Variants in TTC8 observed in about 807,000 individuals in gnomAD.
TTC8 encodes tetratricopeptide repeat protein 8.
Under a neutral mutation model 72.5 loss-of-function variants are expected in TTC8, and 47 were observed. The observed-to-expected ratio is 0.65, with a 90% CI of 0.51 to 0.83. The LOEUF (loss-of-function observed/expected upper bound fraction) is 0.83. Ranked by LOEUF, TTC8 falls within the 40% of genes least tolerant of loss-of-function variation. The probability of loss-of-function intolerance (pLI) is 0.00; values close to 1 mark genes in which losing one functional copy is unlikely to be tolerated. For missense variants in TTC8, 611 were observed against 623.2 expected, an observed-to-expected ratio of 0.98 and a Z score of 0.21; for synonymous variants, 199 against 221.4, an observed-to-expected ratio of 0.90 and a Z score of 0.90.
intron 9 of TTC8, among the ~76,000 whole-genome samples, chr14:88,858,569 T>C (rs2094867975): frequency 6.6e-6 from 1 of 152,028 alleles, no homozygotes; most frequent in African/African-American, 2.4e-5. Flanking sequence ...TAACTTTATC[T>C]TCTATATGTG....
intron 7 of TTC8, among the ~76,000 whole-genome samples, chr14:88,851,292 A>AT (rs1269440960): frequency 6.6e-6 from 1 of 152,158 alleles, no homozygotes; most frequent in African/African-American, 2.4e-5. Flanking sequence ...TCTTTTTGCC[A>AT]TTTTTATTCT....
intron 2 of TTC8, 88 bp downstream of exon 2, chr14:88,833,810 C>T: frequency 8.3e-7 from 1 of 1,200,870 alleles, no homozygotes; most frequent in South Asian, 1.2e-5. Context: ...AAATTTGCTG[C>T]ATATCTTCCT....
chr14:88,872,527 A>G, intron 13 of TTC8, 75 bp downstream of exon 13: 2 of 1,594,476 alleles, frequency 1.3e-6, no homozygotes, highest in Non-Finnish European at 8.6e-7. Flanking sequence ...GTAGCATTAC[A>G]GCGTATGTTA....
At chr14:88,830,019 G>A (rs976973812) in intron 1 of TTC8, among the ~76,000 whole-genome samples, 4 of 152,150 alleles carry the variant, frequency 2.6e-5, no homozygotes, top group Non-Finnish European at 4.4e-5. Flanking sequence ...ACTTGGCTGC[G>A]TGGTCACTAG....
At chr14:88,869,887 A>G (rs2094926503) in intron 10 of TTC8, among the ~76,000 whole-genome samples, 172 bp from the exon 11 acceptor site, 1 of 152,196 alleles carries the variant, frequency 6.6e-6, no homozygotes, top group African/African-American at 2.4e-5. Flanking sequence ...CCCTGAGGAC[A>G]GTGACTTTCT....
rs373971173 is a variant in TTC8, at chr14:88,877,278, C to T, written c.1432-16C>T. On this transcript the variant is annotated splice_polypyrimidine_tract_variant and intron_variant, in intron 14 of 14. Transcript: ENST00000380656. Reference sequence around the variant, plus strand: ...TCTGATCTCATTCCATGGTCTTATTCTTGTATTTTTTGCAGATTGGAGATC... The same window carrying T: ...TCTGATCTCATTCCATGGTCTTATTTTTGTATTTTTTGCAGATTGGAGATC... 16 of 1,600,280 alleles carry T rather than the reference C, an allele frequency of 1.0e-5. No homozygotes were observed. The African/African-American group carries it at 2.0e-4, about 20-fold the overall frequency.
intron 1 of TTC8, among the ~76,000 whole-genome samples, chr14:88,825,436 A>G (rs2094694975): frequency 6.6e-6 from 1 of 152,208 alleles, no homozygotes; most frequent in Non-Finnish European, 1.5e-5. Flanking sequence ...GGAGGGAGAA[A>G]TGGGAAAGAA....
At position 88,830,442 on chromosome 14, in the gene TTC8, G is replaced by A. The variant is rs748142103; in HGVS notation, c.115-3251G>A. Among the ~76,000 whole-genome samples the A allele has an allele frequency of 3.3e-5, 5 of 152,172 alleles. No individual in the cohort carries two copies. In the South Asian group the frequency reaches 6.2e-4, roughly 19 times the overall value. On this transcript the variant is annotated intron_variant, in intron 1 of 14. Transcript: ENST00000380656. ...GAAAGGGGGAGTAATAGATGGTTTG[G>A]TGCTTCTGTTAAGCTTATACTTGAA...
chr14:88,843,334 G>C (rs1372061858), intron 6 of TTC8, among the ~76,000 whole-genome samples: 1 of 152,092 alleles, frequency 6.6e-6, no homozygotes, highest in Non-Finnish European at 1.5e-5. Flanking sequence ...TGAATATTCT[G>C]AATCATAGAG....
chr14:88,824,553 T>G, upstream of TTC8: 21 of 606,614 alleles, frequency 3.5e-5, no homozygotes, highest in East Asian at 5.6e-5. Flanking sequence ...TTGCGGTTGT[T>G]TTTCTTTTTC....
intron 10 of TTC8, among the ~76,000 whole-genome samples, chr14:88,863,982 T>C (rs2094899172): frequency 6.6e-6 from 1 of 152,188 alleles, no homozygotes; most frequent in African/African-American, 2.4e-5. Context: ...GTCTTACTGC[T>C]TAGGGCTTCC....
intron 7 of TTC8, among the ~76,000 whole-genome samples, chr14:88,848,914 T>C (rs2094820863): frequency 1.3e-5 from 2 of 152,174 alleles, no homozygotes; most frequent in South Asian, 4.1e-4. Context: ...AATAATGTTA[T>C]AGTAAAATGA....
Position 88,839,580 on chromosome 14 carries a change from T to C in TTC8, c.265+8T>C, listed in dbSNP as rs182898340. 20 of 1,612,748 alleles carry C rather than the reference T, an allele frequency of 1.2e-5. No individual in the cohort carries two copies. Among genetic ancestry groups the C allele is most frequent in the Non-Finnish European group, 1.7e-5 (20 of 1,179,218 alleles). On this transcript the variant is annotated splice_region_variant and intron_variant, in intron 3 of 14. Coordinates refer to ENST00000380656, the MANE Select transcript of TTC8 (RefSeq NM_144596.4). Reference sequence around the variant, plus strand: ...CTATAGCTCAAGTTCCACGTAAGTATTGGGTTTTCAGTTAAGTTAATGAAA... The same window carrying C: ...CTATAGCTCAAGTTCCACGTAAGTACTGGGTTTTCAGTTAAGTTAATGAAA...
intron 2 of TTC8, among the ~76,000 whole-genome samples, chr14:88,834,956 A>G (rs1463956303): frequency 6.6e-6 from 1 of 152,222 alleles, no homozygotes; most frequent in Non-Finnish European, 1.5e-5. Context: ...GGATAATGAT[A>G]CAAAAGGGAA....
chr14:88,837,513 G>A (rs1337587751), intron 2 of TTC8, among the ~76,000 whole-genome samples: 2 of 152,146 alleles, frequency 1.3e-5, no homozygotes, highest in Non-Finnish European at 2.9e-5. Flanking sequence ...TGCAGTAGGT[G>A]CCCCCTGGTA....
intron 7 of TTC8, among the ~76,000 whole-genome samples, chr14:88,845,374 G>A (rs915793003): frequency 3.3e-5 from 5 of 152,168 alleles, no homozygotes; most frequent in Non-Finnish European, 7.4e-5. Context: ...ACTTGAAGGC[G>A]TTTTGAGCTT....
chr14:88,828,385 A>G (rs542156042), intron 1 of TTC8, among the ~76,000 whole-genome samples: 1 of 152,306 alleles, frequency 6.6e-6, no homozygotes, highest in South Asian at 2.1e-4. Context: ...CTCCGCAGTT[A>G]GCTGGTTCAC....
intron 1 of TTC8, among the ~76,000 whole-genome samples, 170 bp downstream of exon 1, chr14:88,824,991 C>T (rs184014291): frequency 1.3e-5 from 2 of 152,164 alleles, no homozygotes; most frequent in Non-Finnish European, 2.9e-5. Context: ...ACTAGCGGGT[C>T]CGCTGTCCGC....
intron 9 of TTC8, among the ~76,000 whole-genome samples, chr14:88,860,850 A>G (rs908773040): frequency 4.7e-5 from 7 of 150,182 alleles, no homozygotes; most frequent in Admixed American, 3.3e-4. Flanking sequence ...TCTGTTGCCC[A>G]GGCTGGAGTG....
Sources: allele counts gnomAD v4.1 joint callset (sites outside exome capture counted in the v4.1 genomes callset), GRCh38; gene constraint gnomAD v4.1.1; transcripts MANE v1.5; gene names NCBI Gene and HGNC (gene_info 2026-07-23, HGNC 2026-07-21).